Variants in KCP observed in about 807,000 individuals in gnomAD.
KCP encodes kielin/chordin-like protein.
In KCP, 194 loss-of-function variants were observed where a neutral mutation model predicts 212.7. That is an observed-to-expected ratio of 0.91 (90% confidence interval 0.81 to 1.03). KCP has a LOEUF of 1.03. Among genes scored for constraint, KCP ranks in the 50% least tolerant of loss-of-function variants. KCP has a pLI of 0.00. For synonymous variants in KCP, 833 were observed against 865.3 expected, an observed-to-expected ratio of 0.96 and a Z score of 0.65; for missense variants, 2,080 against 2,162.5, an observed-to-expected ratio of 0.96 and a Z score of 0.76.
intron 34 of KCP, 53 bp from the exon 35 acceptor site, chr7:128,880,138 T>C (rs1274501840): frequency 1.1e-5 from 16 of 1,461,766 alleles, no homozygotes; most frequent in Non-Finnish European, 1.3e-5. Context: ...GCCATGCCTC[T>C]CGCAGACCCT....
chr7:128,894,300 G>A lies in KCP; in HGVS notation c.832-7C>T, dbSNP rs1031958382. 2.0e-6 allele frequency: 3 copies of A among 1,530,252 alleles called. No individual in the cohort carries two copies. In the African/African-American group the frequency reaches 4.1e-5, roughly 21 times the overall value. 94.8% of individuals were successfully genotyped at this position (1,530,252 alleles called of 1,614,324 possible). A position where few individuals can be genotyped will look rare whatever the true frequency, so the allele number is the denominator to read the frequency against. Reference sequence around the variant, plus strand: ...GGCACTGGATGTGACCCTCCTGGTGGGGAGAATGAACAGGGGAAGGGGCCG... The same window carrying A: ...GGCACTGGATGTGACCCTCCTGGTGAGGAGAATGAACAGGGGAAGGGGCCG... On this transcript the variant is annotated splice_polypyrimidine_tract_variant and splice_region_variant and intron_variant, in intron 8 of 39. Transcript: ENST00000610776.
intron 26 of KCP, among the ~76,000 whole-genome samples, 166 bp downstream of exon 26, chr7:128,886,298 G>T (rs1197031710): frequency 6.6e-6 from 1 of 151,968 alleles, no homozygotes; most frequent in Non-Finnish European, 1.5e-5. Flanking sequence ...GGCAGTCCCG[G>T]ACAGGGAGAG....
In KCP at chr7:128,877,054, C is replaced by A; in HGVS notation, c.4876G>T (p.Glu1626Ter). 2 of 1,530,036 alleles carry A rather than the reference C, an allele frequency of 1.3e-6. No individual in the cohort carries two copies. Among genetic ancestry groups the A allele is most frequent in the Non-Finnish European group, 1.8e-6 (2 of 1,141,582 alleles). 94.8% of individuals were successfully genotyped at this position (1,530,036 alleles called of 1,614,324 possible). A position where few individuals can be genotyped will look rare whatever the true frequency, so the allele number is the denominator to read the frequency against. Residue 1626 changes from glutamate (E) to a stop codon, truncating the protein, a stop_gained, in exon 40 of 40, where the codon GAG (glutamate) becomes TAG (stop). Coordinates refer to ENST00000610776, the MANE Select transcript of KCP (RefSeq NM_001366122.1). LOFTEE classifies it high-confidence loss of function. ...ARPSPSREPQ[E>*]TP ...GGCACTGTCCTGGCTCAGGGTGTCT[C>A]CTGGGGCTCCCGGCTGGGGCTGGGC...
At chr7:128,891,850 G>A in intron 16 of KCP, 31 bp from the exon 17 acceptor site, 1 of 1,416,316 alleles carries the variant, frequency 7.1e-7, no homozygotes, top group Middle Eastern at 1.8e-4. Context: ...GCAGGTATGA[G>A]GGCAAAGCCT....
chr7:128,893,705 G>A lies in KCP; in HGVS notation c.1099+101C>T, dbSNP rs559850445. ...TGGTGAGGACTCACTTTGGGAACAG[G>A]GTAACAGGGGCTTAGGTCCAAGAGA... On this transcript the variant is annotated intron_variant, in intron 11 of 39. Coordinates refer to ENST00000610776, the MANE Select transcript of KCP (RefSeq NM_001366122.1). The A allele has an allele frequency of 4.5e-5, 59 of 1,301,910 alleles. No homozygotes were observed. The East Asian group carries it at 1.4e-3, about 32-fold the overall frequency. 80.6% of individuals were successfully genotyped at this position (1,301,910 alleles called of 1,614,324 possible). A position where few individuals can be genotyped will look rare whatever the true frequency, so the allele number is the denominator to read the frequency against.
At position 128,891,754 on chromosome 7, in the gene KCP, G is replaced by A; in HGVS notation, c.1687C>T (p.Gln563Ter). 2 of 1,450,780 alleles carry A rather than the reference G, an allele frequency of 1.4e-6. No individual in the cohort carries two copies. Among genetic ancestry groups the A allele is most frequent in the East Asian group, 2.5e-5 (1 of 39,636 alleles). 89.9% of individuals were successfully genotyped at this position (1,450,780 alleles called of 1,614,324 possible). ...TGGCCTTCCTGGCATCGGCACTCCT[G>A]GCAGGGGTCTCGGGGGTGGGAGAAG... ...ESFSHPRDPC[Q>*]ECRCQEGHAH... Residue 563 changes from glutamine to a stop codon, truncating the protein, a stop_gained, in exon 17 of 40, where the codon CAG (glutamine) becomes TAG (stop). Coordinates refer to ENST00000610776, the MANE Select transcript of KCP (RefSeq NM_001366122.1). LOFTEE classifies it high-confidence loss of function.
chr7:128,890,422 G>A lies in KCP; in HGVS notation c.2256C>T (p.Ser752=), dbSNP rs1003048874. ...CACATGCCTTGGGCTCGCAGCTCACGCTGCCCTCCCAGCAAAGGCAGAGGT... is the reference window on the plus strand; with the variant it reads ...CACATGCCTTGGGCTCGCAGCTCACACTGCCCTCCCAGCAAAGGCAGAGGT... ...ACHLCLCWEG[S]VSCEPKACAP... The change falls in exon 21 of 40, where the codon AGC becomes AGT. Residue 752 remains serine (S), a synonymous_variant. Transcript: ENST00000610776. 1.2e-5 allele frequency: 19 copies of A among 1,551,060 alleles called. No individual in the cohort carries two copies. The highest frequency in any genetic ancestry group is 1.1e-4 in the African/African-American group (8 of 73,042).
intron 8 of KCP, among the ~76,000 whole-genome samples, chr7:128,895,787 T>C (rs1794482734): frequency 6.6e-6 from 1 of 152,210 alleles, no homozygotes; most frequent in Non-Finnish European, 1.5e-5. Flanking sequence ...ACAAATGCCA[T>C]GGCAATGTCA....
In KCP at chr7:128,877,189, C is replaced by A; in HGVS notation, c.4741G>T (p.Val1581Leu). ...ELAAHCVRPC[V>L]PGCQCPAGLV... ...CCTGCAGGGCACTGGCAGCCGGGCA[C>A]GCAGGGCCTCACGCAGTGGGCTGCC... is the stretch of plus-strand genomic sequence containing the variant. The change falls in exon 40 of 40, where the codon GTG becomes TTG. Residue 1581 changes from valine (V) to leucine (L), a missense_variant. By Grantham distance (32) the Val-to-Leu change is conservative. Coordinates refer to ENST00000610776, the MANE Select transcript of KCP (RefSeq NM_001366122.1). 6.7e-7 allele frequency: 1 copy of A among 1,486,094 alleles called. No homozygotes were observed. The highest frequency in any genetic ancestry group is 8.9e-7 in the Non-Finnish European group (1 of 1,119,122). The allele number at this position is 1,486,094 out of a possible 1,614,324, so 92.1% of individuals were successfully genotyped here. A position where few individuals can be genotyped will look rare whatever the true frequency, so the allele number is the denominator to read the frequency against.
intron 1 of KCP, among the ~76,000 whole-genome samples, chr7:128,910,248 G>A (rs975571984): frequency 6.6e-6 from 1 of 152,192 alleles, no homozygotes; most frequent in Non-Finnish European, 1.5e-5. Flanking sequence ...GTCCTGCTCC[G>A]GGGAGGGCCA....
At chr7:128,908,906 C>T (rs143282995) in intron 1 of KCP, among the ~76,000 whole-genome samples, 37 of 152,328 alleles carry the variant, frequency 2.4e-4, no homozygotes, top group African/African-American at 5.1e-4. Flanking sequence ...CAACTGCTCC[C>T]GCCCCCAACC....
intron 20 of KCP, 101 bp downstream of exon 20, chr7:128,890,804 G>A: frequency 5.8e-6 from 6 of 1,042,050 alleles, no homozygotes; most frequent in Non-Finnish European, 7.9e-6. Context: ...TCCCCGACGT[G>A]GGCGGAGCGG....
chr7:128,903,870 G>A, intron 6 of KCP, 50 bp from the exon 7 acceptor site: 1 of 1,331,112 alleles, frequency 7.5e-7, no homozygotes, highest in Non-Finnish European at 1.1e-6. Context: ...CCCGCAGAGG[G>A]CTGGGTGGGC....
At position 128,894,123 on chromosome 7, in the gene KCP, C is replaced by T. The variant is rs976224748; in HGVS notation, c.926-68G>A. The T allele has an allele frequency of 1.4e-4, 207 of 1,517,644 alleles. 1 individual carries two copies. The highest frequency in any genetic ancestry group is 6.5e-4 in the Middle Eastern group (3 of 4,640). 94.0% of individuals were successfully genotyped at this position (1,517,644 alleles called of 1,614,324 possible). A position where few individuals can be genotyped will look rare whatever the true frequency, so the allele number is the denominator to read the frequency against. On this transcript the variant is annotated intron_variant, in intron 9 of 39. Transcript: ENST00000610776. ...CCCACCCTCTCCTGGCCTTCATGGGCCCCCGAGCAGGGCCACCCATCAATT... is the reference window on the plus strand; with the variant it reads ...CCCACCCTCTCCTGGCCTTCATGGGTCCCCGAGCAGGGCCACCCATCAATT...
At chr7:128,901,601 G>A (rs1378800479) in intron 8 of KCP, among the ~76,000 whole-genome samples, 2 of 151,888 alleles carry the variant, frequency 1.3e-5, no homozygotes, top group Admixed American at 1.3e-4. Context: ...ACTCCAGCCT[G>A]GATGACAGAG....
chr7:128,881,544 C>T (rs1042164688), intron 31 of KCP, 82 bp downstream of exon 31: 11 of 963,650 alleles, frequency 1.1e-5, no homozygotes, highest in Non-Finnish European at 1.5e-5. Flanking sequence ...CCTGGGCTGC[C>T]CGCTTGGCCC....
intron 30 of KCP, 27 bp downstream of exon 30, chr7:128,881,910 G>A (rs1458122498): frequency 6.5e-7 from 1 of 1,544,136 alleles, no homozygotes; most frequent in South Asian, 1.2e-5. Context: ...GAGGGGCTCT[G>A]TGAGTCCCCA....
At chr7:128,904,368 G>A in intron 5 of KCP, 3 of 1,551,284 alleles carry the variant, frequency 1.9e-6, no homozygotes, top group Non-Finnish European at 2.6e-6. Context: ...CCCTGGCACT[G>A]CACGGCTCCT....
At position 128,904,053 on chromosome 7, in the gene KCP, C is replaced by CA. The variant is rs1794998290; in HGVS notation, c.654+2dup. 3.2e-6 allele frequency: 5 copies of CA among 1,551,216 alleles called. No individual in the cohort carries two copies. The African/African-American group carries it at 6.9e-5, about 21-fold the overall frequency. On this transcript the variant is annotated splice_region_variant and intron_variant, in intron 6 of 39. Coordinates refer to ENST00000610776, the MANE Select transcript of KCP (RefSeq NM_001366122.1). ...CCTGGGCAGAGGGGACAGGTGGACT[C>CA]ACCAGGCAGGTGCACTGTAGACAAG...
Sources: gnomAD v4.1 joint callset for allele counts (sites outside exome capture counted in the v4.1 genomes callset) on GRCh38, gnomAD v4.1.1 for gene constraint, MANE v1.5 for transcripts, NCBI Gene and HGNC (gene_info 2026-07-23, HGNC 2026-07-21) for gene names.